The following RANBP2 variants were observed in gnomAD, a reference collection of about 807,000 sequenced individuals.
The protein encoded by RANBP2 is E3 SUMO-protein ligase RanBP2.
RANBP2 carries 57 observed loss-of-function variants against 303.6 expected under a neutral mutation model. That is an observed-to-expected ratio of 0.19 (90% CI 0.15 to 0.23). The LOEUF is 0.23. Ranked by LOEUF, RANBP2 falls within the 10% of genes least tolerant of loss-of-function variation. The probability of loss-of-function intolerance (pLI) is 1.00; values close to 1 mark genes in which losing one functional copy is unlikely to be tolerated. For synonymous variants in RANBP2, 1,167 were observed against 1,301.5 expected, an observed-to-expected ratio of 0.90 and a Z score of 2.23; for missense variants, 3,138 against 3,780.8, an observed-to-expected ratio of 0.83 and a Z score of 4.46.
chr2:108,812,552 A>G, the RANBP2 span: 3 of 999,632 alleles, frequency 3.0e-6, no homozygotes, highest in Non-Finnish European at 3.1e-6. Context: ...CAACCAGATT[A>G]GATAGTAGAT....
At chr2:109,450,170 A>T in the RANBP2 span, among the ~76,000 whole-genome samples, 4 of 151,628 alleles carry the variant, frequency 2.6e-5, no homozygotes, top group African/African-American at 9.7e-5. Flanking sequence ...ACATGGCAAA[A>T]CCCCATCTCT....
chr2:109,456,168 C>T, the RANBP2 span, among the ~76,000 whole-genome samples: 40 of 152,324 alleles, frequency 2.6e-4, no homozygotes, highest in African/African-American at 9.4e-4. Context: ...CCATGGAAAC[C>T]ACCTCTGCCC....
chr2:108,952,419 A>G, the RANBP2 span, among the ~76,000 whole-genome samples: 4 of 152,248 alleles, frequency 2.6e-5, no homozygotes, highest in African/African-American at 9.6e-5. Context: ...AATTTTTAAA[A>G]TACTCTATTA....
At chr2:108,911,943 A>G in the RANBP2 span, among the ~76,000 whole-genome samples, 2 of 152,212 alleles carry the variant, frequency 1.3e-5, no homozygotes, top group East Asian at 1.9e-4. Context: ...TCTGGATGAC[A>G]TAAGTGTTTT....
the RANBP2 span, among the ~76,000 whole-genome samples, chr2:109,151,296 T>C: frequency 1.3e-5 from 2 of 152,180 alleles, no homozygotes; most frequent in Admixed American, 1.3e-4. Flanking sequence ...ACAGACTGAA[T>C]ACAGAATTTT....
At chr2:108,811,745 A>G in the RANBP2 span, among the ~76,000 whole-genome samples, 9 of 151,960 alleles carry the variant, frequency 5.9e-5, no homozygotes, top group Admixed American at 4.6e-4. Flanking sequence ...CAGTAGGTTA[A>G]TTTTCAACCC....
the RANBP2 span, among the ~76,000 whole-genome samples, chr2:109,774,507 T>TATATATATATAAAAA: frequency 1.4e-5 from 1 of 73,676 alleles, no homozygotes; most frequent in East Asian, 4.1e-4. Flanking sequence ...AACATATATA[T>TATATATATATAAAAA]ATATATAATA....
chr2:108,936,148 T>A, the RANBP2 span, among the ~76,000 whole-genome samples: 2 of 152,258 alleles, frequency 1.3e-5, no homozygotes, highest in Non-Finnish European at 2.9e-5. Context: ...CGGTGCTACC[T>A]CTTCCAAAAG....
At chr2:109,147,989 G>C in the RANBP2 span, among the ~76,000 whole-genome samples, 1 of 152,190 alleles carries the variant, frequency 6.6e-6, no homozygotes, top group Non-Finnish European at 1.5e-5. Flanking sequence ...CTTAAGATCT[G>C]TGGGCCCCTC....
At chr2:109,254,058 G>C in the RANBP2 span, among the ~76,000 whole-genome samples, 79 of 152,104 alleles carry the variant, frequency 5.2e-4, no homozygotes, top group African/African-American at 1.8e-3. Flanking sequence ...GATTTGTCTT[G>C]AAGGGGTGCT....
the RANBP2 span, among the ~76,000 whole-genome samples, chr2:109,232,908 C>T: frequency 8.9e-4 from 135 of 152,318 alleles, 1 homozygote; most frequent in African/African-American, 3.1e-3. Flanking sequence ...TTTTGACAAA[C>T]AACTGCAGTT....
chr2:108,980,370 A>T, the RANBP2 span, among the ~76,000 whole-genome samples: 1 of 152,058 alleles, frequency 6.6e-6, no homozygotes, highest in Non-Finnish European at 1.5e-5. Context: ...GGAAACTGCC[A>T]CTAATGCTCT....
chr2:109,431,932 A>G, the RANBP2 span, among the ~76,000 whole-genome samples: 1 of 152,126 alleles, frequency 6.6e-6, no homozygotes, highest in African/African-American at 2.4e-5. Context: ...GTGCAACCAC[A>G]GTTTTCTAAC....
At chr2:109,449,218 C>T in the RANBP2 span, 1 of 1,613,586 alleles carries the variant, frequency 6.2e-7, no homozygotes, top group Non-Finnish European at 8.5e-7. Context: ...GCCACCGTGT[C>T]ACCCCTGCGC....
the RANBP2 span, among the ~76,000 whole-genome samples, chr2:109,231,355 G>A: frequency 6.6e-6 from 1 of 152,234 alleles, no homozygotes; most frequent in Non-Finnish European, 1.5e-5. Flanking sequence ...TAACTCCCCT[G>A]GGAGAAGGTT....
the RANBP2 span, among the ~76,000 whole-genome samples, chr2:108,938,125 AC>A: frequency 6.6e-6 from 1 of 152,230 alleles, no homozygotes; most frequent in Admixed American, 6.5e-5. Context: ...CTTCAGCAGA[AC>A]CCACAGAGGC....
the RANBP2 span, among the ~76,000 whole-genome samples, chr2:109,022,941 C>T: frequency 6.6e-6 from 1 of 152,054 alleles, no homozygotes; most frequent in Non-Finnish European, 1.5e-5. Context: ...ATCCCAGCTA[C>T]TCAGCAGGCT....
At chr2:109,311,967 G>A in the RANBP2 span, among the ~76,000 whole-genome samples, 7 of 152,256 alleles carry the variant, frequency 4.6e-5, no homozygotes, top group African/African-American at 9.6e-5. Flanking sequence ...TCCATGAGTC[G>A]TGGCTGTGTG....
At chr2:109,350,372 C>A in the RANBP2 span, among the ~76,000 whole-genome samples, 1 of 152,146 alleles carries the variant, frequency 6.6e-6, no homozygotes, top group Non-Finnish European at 1.5e-5. Flanking sequence ...TGTCATATCA[C>A]AGATTCTTTG....
Sources: allele counts gnomAD v4.1 joint callset (sites outside exome capture counted in the v4.1 genomes callset), GRCh38; gene constraint gnomAD v4.1.1; transcripts MANE v1.5; gene names NCBI Gene and HGNC (gene_info 2026-07-23, HGNC 2026-07-21).